The following SNX8 variants were observed in gnomAD, a reference collection of about 807,000 sequenced individuals.
SNX8 encodes sorting nexin 8, also known as sorting nexin-8.
Under a neutral mutation model 51.6 loss-of-function variants are expected in SNX8, and 25 were observed. The observed-to-expected ratio is 0.48, with a 90% CI of 0.35 to 0.68. SNX8 has a LOEUF of 0.68. SNX8 is among the 30% of genes least tolerant of loss of function. SNX8 has a pLI of 0.00. For synonymous variants in SNX8, 324 were observed against 277.0 expected (o/e 1.17, Z -1.68); for missense variants, 695 against 624.0 (o/e 1.11, Z -1.21).
chr7:2,311,829 C>G (rs375632235), intron 1 of SNX8, among the ~76,000 whole-genome samples: 1 of 151,314 alleles, frequency 6.6e-6, no homozygotes, highest in East Asian at 1.9e-4. Flanking sequence ...CCCAGCTACT[C>G]GGGAGGCTGA....
At position 2,278,088 on chromosome 7, in the gene SNX8, T is replaced by G. The variant is rs1276391743; in HGVS notation, c.300+12A>C. The stretch of plus-strand genomic sequence containing the variant: ...CCCTCCTGCCCCGACACACACACAA[T>G]TTGCCAGTTACCTGGCTGGAAACCT... On this transcript the variant is annotated intron_variant, in intron 2 of 10. Transcript: ENST00000222990. 3.1e-6 allele frequency: 5 copies of G among 1,611,550 alleles called. No homozygotes were observed. Among genetic ancestry groups the G allele is most frequent in the Non-Finnish European group, 4.2e-6 (5 of 1,178,288 alleles).
chr7:2,277,457 T>C (rs980668585), intron 2 of SNX8, among the ~76,000 whole-genome samples: 2 of 151,918 alleles, frequency 1.3e-5, no homozygotes, highest in African/African-American at 4.8e-5. Flanking sequence ...GCGAGGCTGG[T>C]GTGGATCCCG....
chr7:2,302,792 CG>C (rs1796431915), intron 1 of SNX8, among the ~76,000 whole-genome samples: 1 of 150,942 alleles, frequency 6.6e-6, no homozygotes, highest in Non-Finnish European at 1.5e-5. Flanking sequence ...TGCCCGGCCG[CG>C]ACCTCGTCTG....
rs142632919 is a variant in SNX8, at chr7:2,270,756, C to T, written c.540+1094G>A. Among the ~76,000 whole-genome samples the T allele has an allele frequency of 4.6e-3, 695 of 152,254 alleles. 4 individuals carry two copies. The highest frequency in any genetic ancestry group is 0.016 in the African/African-American group (672 of 41,554). On this transcript the variant is annotated intron_variant, in intron 4 of 10. Transcript: ENST00000222990. ...CACAGGGGGAAGGCCCCTCTGCCTCCGAGAGGAACGAAGACAAAAGGAACC... is the reference window on the plus strand; with the variant it reads ...CACAGGGGGAAGGCCCCTCTGCCTCTGAGAGGAACGAAGACAAAAGGAACC...
At chr7:2,280,829 G>A (rs1212226205) in intron 1 of SNX8, among the ~76,000 whole-genome samples, 1 of 136,032 alleles carries the variant, frequency 7.4e-6, no homozygotes, top group Non-Finnish European at 1.5e-5. Flanking sequence ...GTCTCGCTCT[G>A]TTGCCCAGGC....
chr7:2,281,979 C>T (rs1344887700), intron 1 of SNX8, among the ~76,000 whole-genome samples: 1 of 152,118 alleles, frequency 6.6e-6, no homozygotes, highest in Non-Finnish European at 1.5e-5. Flanking sequence ...GGGCTTCAGA[C>T]CCAACCCGGA....
intron 1 of SNX8, among the ~76,000 whole-genome samples, chr7:2,313,355 G>A (rs1287026937): frequency 1.3e-5 from 2 of 150,790 alleles, no homozygotes; most frequent in East Asian, 2.0e-4. Context: ...GTGAAACTCC[G>A]TCTCTACTAA....
intron 5 of SNX8, among the ~76,000 whole-genome samples, chr7:2,268,724 T>TG (rs1330252454): frequency 5.6e-4 from 3 of 5,320 alleles, no homozygotes; most frequent in Admixed American, 1.7e-3. Context: ...GGGAGGGAGG[T>TG]GGGGGGGGTC....
intron 10 of SNX8, 115 bp downstream of exon 10, chr7:2,256,759 T>A (rs1795189392): frequency 9.7e-7 from 1 of 1,029,670 alleles, no homozygotes; most frequent in Non-Finnish European, 1.4e-6. Context: ...GGAGCCCAAC[T>A]CCACTAAAGA....
upstream of SNX8, among the ~76,000 whole-genome samples, chr7:2,317,036 A>G (rs551001657): frequency 6.8e-4 from 103 of 152,242 alleles, 1 homozygote; most frequent in African/African-American, 2.4e-3. Flanking sequence ...GTGAAGGGCG[A>G]TCCCTTCCCT....
intron 1 of SNX8, among the ~76,000 whole-genome samples, chr7:2,348,447 T>C (rs889071076): frequency 1.9e-4 from 29 of 150,918 alleles, no homozygotes; most frequent in Non-Finnish European, 4.1e-4. Flanking sequence ...TTCACGCCAT[T>C]CTCCTGCCTC....
At chr7:2,349,874 G>C (rs1779105249) in intron 1 of SNX8, among the ~76,000 whole-genome samples, 1 of 152,076 alleles carries the variant, frequency 6.6e-6, no homozygotes, top group Non-Finnish European at 1.5e-5. Flanking sequence ...GGTCCTGAAT[G>C]TCCACAAACC....
intron 1 of SNX8, among the ~76,000 whole-genome samples, chr7:2,286,706 G>C (rs141102660): frequency 0.024 from 3,599 of 151,452 alleles, 142 homozygotes; most frequent in African/African-American, 0.083. Flanking sequence ...TTTTAGTAGA[G>C]ATGGGGTTTC....
intron 1 of SNX8, among the ~76,000 whole-genome samples, chr7:2,351,429 G>A (rs1779135948): frequency 6.6e-6 from 1 of 151,654 alleles, no homozygotes; most frequent in Admixed American, 6.6e-5. Flanking sequence ...GTGTGGATCT[G>A]TACTACCAGA....
chr7:2,308,062 TGAGA>T (rs957350775), intron 1 of SNX8: 13 of 151,942 alleles, frequency 8.6e-5, no homozygotes, highest in South Asian at 4.1e-4. Context: ...TGTGTGTGTG[TGAGA>T]GAGAGACAGA....
intron 1 of SNX8, among the ~76,000 whole-genome samples, chr7:2,332,902 A>AG (rs1417122850): frequency 6.6e-6 from 1 of 151,608 alleles, no homozygotes; most frequent in Non-Finnish European, 1.5e-5. Context: ...AAAGAAAGAA[A>AG]GAAAAAAGGG....
At chr7:2,288,884 T>C (rs993592310) in intron 1 of SNX8, among the ~76,000 whole-genome samples, 4 of 152,094 alleles carry the variant, frequency 2.6e-5, no homozygotes, top group Non-Finnish European at 4.4e-5. Flanking sequence ...CACAGGCACA[T>C]GCCACCACAC....
intron 1 of SNX8, among the ~76,000 whole-genome samples, chr7:2,349,387 TA>T (rs1779097123): frequency 6.6e-6 from 1 of 152,008 alleles, no homozygotes; most frequent in African/African-American, 2.4e-5. Context: ...GTTATATTTT[TA>T]AATTTGTTAT....
At chr7:2,275,257 C>T (rs1428176928) in intron 2 of SNX8, 28 bp from the exon 3 acceptor site, 1 of 1,499,984 alleles carries the variant, frequency 6.7e-7, no homozygotes, top group South Asian at 1.1e-5. Flanking sequence ...GTGCTTAGAT[C>T]CGACGTTGGA....
Sources: allele counts gnomAD v4.1 joint callset (sites outside exome capture counted in the v4.1 genomes callset), GRCh38; gene constraint gnomAD v4.1.1; transcripts MANE v1.5; gene names NCBI Gene and HGNC (gene_info 2026-07-23, HGNC 2026-07-21).